RNGTT: variants seen among roughly 807,000 people sequenced by gnomAD.
The protein encoded by RNGTT is mRNA-capping enzyme.
RNGTT carries 33 observed loss-of-function variants against 79.3 expected under a neutral mutation model. The ratio of observed to expected loss-of-function variants is 0.42; its 90% confidence interval spans 0.32 to 0.56. RNGTT has a LOEUF of 0.56. Ranked by LOEUF, RNGTT falls within the 20% of genes least tolerant of loss-of-function variation. The probability of loss-of-function intolerance (pLI) is 0.17; values close to 1 mark genes in which losing one functional copy is unlikely to be tolerated. For missense variants in RNGTT, 497 were observed against 739.1 expected (o/e 0.67, Z 3.80); for synonymous variants, 222 against 235.9 (o/e 0.94, Z 0.54).
intron 13 of RNGTT, among the ~76,000 whole-genome samples, chr6:88,721,693 G>T (rs976596137): frequency 6.6e-6 from 1 of 151,996 alleles, no homozygotes; most frequent in Non-Finnish European, 1.5e-5. Context: ...CTTCCTTACA[G>T]TCTAAGGTCC....
intron 14 of RNGTT, among the ~76,000 whole-genome samples, chr6:88,672,979 G>A (rs932920360): frequency 1.2e-4 from 19 of 152,142 alleles, no homozygotes; most frequent in African/African-American, 4.6e-4. Context: ...GCATGCTATA[G>A]CAAATTTCTG....
chr6:88,632,554 C>G (rs973221554), intron 14 of RNGTT, among the ~76,000 whole-genome samples: 13 of 149,078 alleles, frequency 8.7e-5, no homozygotes, highest in Admixed American at 2.7e-4. Context: ...GACACACACA[C>G]ACACACACAC....
intron 14 of RNGTT, among the ~76,000 whole-genome samples, chr6:88,672,531 T>A (rs998621820): frequency 3.3e-5 from 5 of 152,026 alleles, no homozygotes; most frequent in Non-Finnish European, 1.5e-5. Context: ...AAGAATGATA[T>A]AATGGACTCT....
chr6:88,903,276 T>G (rs1233580993), intron 6 of RNGTT, among the ~76,000 whole-genome samples: 2 of 152,082 alleles, frequency 1.3e-5, no homozygotes, highest in African/African-American at 4.8e-5. Flanking sequence ...GAGGTTGAGG[T>G]AGAAGGATCA....
In RNGTT at chr6:88,698,191, A is replaced by AAT. The variant is rs564007121; in HGVS notation, c.1440-19774_1440-19773dup. Among the ~76,000 whole-genome samples the AAT allele has an allele frequency of 1.9e-4, 20 of 103,900 alleles. 1 individual carries two copies. Among genetic ancestry groups the AAT allele is most frequent in the South Asian group, 5.3e-4 (2 of 3,758 alleles). The allele number at this position is 103,900 out of a possible 152,430, so 68.2% of individuals were successfully genotyped here. A position where few individuals can be genotyped will look rare whatever the true frequency, so the allele number is the denominator to read the frequency against. ...TGACATATATATGATATATATATGA[A>AAT]ATATATATGATATATATGAAATATA... On this transcript the variant is annotated intron_variant, in intron 13 of 15. Transcript: ENST00000369485.
chr6:88,874,612 A>C (rs570415825), intron 8 of RNGTT, among the ~76,000 whole-genome samples: 1 of 152,134 alleles, frequency 6.6e-6, no homozygotes, highest in East Asian at 1.9e-4. Flanking sequence ...ATAATGAATA[A>C]GAGTATGTGA....
chr6:88,726,805 G>A (rs1307754215), intron 13 of RNGTT, among the ~76,000 whole-genome samples: 4 of 152,134 alleles, frequency 2.6e-5, no homozygotes, highest in Non-Finnish European at 4.4e-5. Flanking sequence ...GACTGAATGA[G>A]GTCTTATTAA....
rs1324680173 is a variant in RNGTT at position 88,769,849 on chromosome 6, T to C, written c.1364A>G (p.Asp455Gly). Residue 455 changes from aspartate to glycine, a missense_variant, in exon 13 of 16, where the codon GAT becomes GGT. By Grantham distance (94) the Asp-to-Gly change is moderately conservative (BLOSUM62 -1). Coordinates refer to ENST00000369485, the MANE Select transcript of RNGTT (RefSeq NM_003800.5). ...ACTGGGAGGCTTCCATTTCAAAATA[T>C]CATCACATCGACCAGGTTTGTATTT... ...TGKYKPGRCD[D>G]ILKWKPPSLN... is the part of the protein sequence containing the mutation. 3.1e-6 allele frequency: 5 copies of C among 1,611,262 alleles called. No homozygotes were observed. Among genetic ancestry groups the C allele is most frequent in the African/African-American group, 1.3e-5 (1 of 74,894 alleles).
chr6:88,754,740 A>C (rs945324997), intron 13 of RNGTT, among the ~76,000 whole-genome samples: 1 of 152,200 alleles, frequency 6.6e-6, no homozygotes, highest in Admixed American at 6.5e-5. Context: ...AACCACTTAA[A>C]GGCGTTCTTA....
At chr6:88,863,219 T>C (rs1782067556) in intron 8 of RNGTT, among the ~76,000 whole-genome samples, 1 of 152,204 alleles carries the variant, frequency 6.6e-6, no homozygotes, top group Admixed American at 6.5e-5. Context: ...ATGTTAATTG[T>C]ATATTAAACG....
chr6:88,840,902 A>G (rs1384897121), intron 11 of RNGTT, among the ~76,000 whole-genome samples: 3 of 152,226 alleles, frequency 2.0e-5, no homozygotes, highest in Admixed American at 2.0e-4. Flanking sequence ...TGACTAATGA[A>G]ATTATACTAT....
At chr6:88,755,746 A>T (rs552076506) in intron 13 of RNGTT, among the ~76,000 whole-genome samples, 7 of 152,076 alleles carry the variant, frequency 4.6e-5, no homozygotes, top group African/African-American at 1.7e-4. Flanking sequence ...GTGCATCACG[A>T]GGTCAGGAGC....
intron 4 of RNGTT, among the ~76,000 whole-genome samples, chr6:88,912,021 T>C (rs895789153): frequency 5.9e-5 from 9 of 152,126 alleles, no homozygotes; most frequent in African/African-American, 2.2e-4. Flanking sequence ...AGGTCGAGGC[T>C]GCAGTGAGCA....
intron 12 of RNGTT, among the ~76,000 whole-genome samples, chr6:88,779,769 G>A (rs977819711): frequency 6.6e-6 from 1 of 152,210 alleles, no homozygotes; most frequent in African/African-American, 2.4e-5. Flanking sequence ...AAGGCGGGCA[G>A]ATCACCTGAG....
chr6:88,729,634 A>G (rs1000373926), intron 13 of RNGTT, among the ~76,000 whole-genome samples: 43 of 152,236 alleles, frequency 2.8e-4, no homozygotes, highest in African/African-American at 9.9e-4. Context: ...GATGTTGTTA[A>G]AGAATAGCTG....
chr6:88,635,707 T>C (rs1242288909), intron 14 of RNGTT, among the ~76,000 whole-genome samples: 1 of 152,108 alleles, frequency 6.6e-6, no homozygotes, highest in Non-Finnish European at 1.5e-5. Context: ...GTTGAGTACC[T>C]TGGAGTTGAT....
At chr6:88,646,633 C>T (rs969611707) in intron 14 of RNGTT, among the ~76,000 whole-genome samples, 6 of 152,106 alleles carry the variant, frequency 3.9e-5, no homozygotes, top group Admixed American at 1.3e-4. Flanking sequence ...GAAAATGTGG[C>T]ACATATACAC....
intron 14 of RNGTT, among the ~76,000 whole-genome samples, chr6:88,638,704 A>G (rs1035854913): frequency 2.2e-4 from 33 of 152,222 alleles, no homozygotes; most frequent in Middle Eastern, 3.4e-3. Flanking sequence ...CTTTTAGTAA[A>G]TCAGAGCTAG....
At chr6:88,671,454 T>G (rs1320423733) in intron 14 of RNGTT, among the ~76,000 whole-genome samples, 2 of 152,056 alleles carry the variant, frequency 1.3e-5, no homozygotes, top group Non-Finnish European at 2.9e-5. Flanking sequence ...AAATCACACA[T>G]GACAAAAACA....
Sources: gnomAD v4.1 joint callset for allele counts (sites outside exome capture counted in the v4.1 genomes callset) on GRCh38, gnomAD v4.1.1 for gene constraint, MANE v1.5 for transcripts, NCBI Gene and HGNC (gene_info 2026-07-23, HGNC 2026-07-21) for gene names.